Variants in ATP11B observed in about 807,000 individuals in gnomAD.
ATP11B encodes the protein phospholipid-transporting ATPase IF.
ATP11B carries 81 observed loss-of-function variants against 157.8 expected under a neutral mutation model. That is an observed-to-expected ratio of 0.51 (90% CI 0.43 to 0.62). ATP11B has a LOEUF of 0.62. ATP11B is among the 20% of genes least tolerant of loss of function. ATP11B has a pLI of 0.00. For missense variants in ATP11B, 1,165 were observed against 1,402.2 expected, an observed-to-expected ratio of 0.83 and a Z score of 2.70; for synonymous variants, 451 against 469.4, an observed-to-expected ratio of 0.96 and a Z score of 0.51.
In ATP11B at chr3:182,793,523, G is replaced by A; in HGVS notation, c.-237G>A. 2.9e-6 allele frequency: 1 copy of A among 350,226 alleles called. No individual in the cohort carries two copies. Among genetic ancestry groups the A allele is most frequent in the East Asian group, 4.3e-5 (1 of 23,074 alleles). The allele number at this position is 350,226 out of a possible 1,614,324, so 21.7% of individuals were successfully genotyped here. A position where few individuals can be genotyped will look rare whatever the true frequency, so the allele number is the denominator to read the frequency against. ...ACGGTCAATAATGAAGGTGGCTGCG[G>A]CGCGGCGGCAGGCTCAGCTGCGCCG... On this transcript the variant is annotated 5_prime_UTR_variant, in exon 1 of 30. Coordinates refer to ENST00000323116, the MANE Select transcript of ATP11B (RefSeq NM_014616.3).
At chr3:182,910,842 T>C (rs1724726747) in intron 28 of ATP11B, among the ~76,000 whole-genome samples, 1 of 152,222 alleles carries the variant, frequency 6.6e-6, no homozygotes, top group Non-Finnish European at 1.5e-5. Flanking sequence ...AAGGACCAGT[T>C]TGTTATTTTC....
chr3:182,794,330 C>T (rs897172771), intron 1 of ATP11B, among the ~76,000 whole-genome samples: 1 of 152,142 alleles, frequency 6.6e-6, no homozygotes, highest in Admixed American at 6.5e-5. Flanking sequence ...GGTGTCTAGC[C>T]CCCTCAGCGA....
chr3:182,864,644 G>A (rs977613737), intron 12 of ATP11B, among the ~76,000 whole-genome samples: 15 of 152,060 alleles, frequency 9.9e-5, no homozygotes, highest in African/African-American at 3.4e-4. Context: ...CTTTTTATAT[G>A]TTTCTGGATT....
chr3:182,857,959 G>T lies in ATP11B; in HGVS notation c.933G>T (p.Trp311Cys), dbSNP rs369166412. Residue 311 changes from tryptophan to cysteine, a missense_variant, in exon 11 of 30, where the codon TGG becomes TGT. Trp to Cys is a radical substitution (Grantham distance 215). Coordinates refer to ENST00000323116, the MANE Select transcript of ATP11B (RefSeq NM_014616.3). ...AVISTILKYT[W>C]QAEEKWDEPW... ...TCAGCACTATCTTGAAGTATACATG[G>T]CAAGCTGAAGAAAAATGGGATGAAC... 2 of 1,609,956 alleles carry T rather than the reference G, an allele frequency of 1.2e-6. No individual in the cohort carries two copies. Among genetic ancestry groups the T allele is most frequent in the African/African-American group, 2.7e-5 (2 of 74,812 alleles).
intron 12 of ATP11B, among the ~76,000 whole-genome samples, chr3:182,859,937 T>G (rs1195099489): frequency 8.0e-6 from 1 of 124,280 alleles, no homozygotes; most frequent in African/African-American, 2.9e-5. Flanking sequence ...CCTTTCTTCC[T>G]CCCTGCCTTC....
intron 29 of ATP11B, 117 bp downstream of exon 29, chr3:182,914,111 A>G: frequency 6.5e-7 from 1 of 1,528,972 alleles, no homozygotes; most frequent in South Asian, 1.3e-5. Flanking sequence ...CTGAAGCAGG[A>G]AGTCTGCTAT....
intron 22 of ATP11B, among the ~76,000 whole-genome samples, chr3:182,885,347 GT>G (rs1722730416): frequency 1.3e-5 from 2 of 152,222 alleles, no homozygotes; most frequent in South Asian, 4.1e-4. Flanking sequence ...CAAGGTGGGA[GT>G]TTGCAGAACC....
At chr3:182,906,760 C>A (rs1724384176) in intron 28 of ATP11B, among the ~76,000 whole-genome samples, 1 of 146,174 alleles carries the variant, frequency 6.8e-6, no homozygotes, top group African/African-American at 2.6e-5. Context: ...CATAAATTTT[C>A]ATAGTTGTAT....
At chr3:182,808,066 G>T (rs1716435944) in intron 1 of ATP11B, among the ~76,000 whole-genome samples, 2 of 152,166 alleles carry the variant, frequency 1.3e-5, no homozygotes, top group Non-Finnish European at 2.9e-5. Flanking sequence ...AGTGTAATTG[G>T]CGGATAAAGC....
intron 1 of ATP11B, 68 bp downstream of exon 1, chr3:182,793,854 G>C: frequency 9.1e-7 from 1 of 1,096,004 alleles, no homozygotes; most frequent in Non-Finnish European, 1.2e-6. Context: ...GGGGTGGCGG[G>C]GAAAGGCCGG....
chr3:182,793,592 A>G lies in ATP11B; in HGVS notation c.-168A>G. ...GCCGCGCCTGTAGGACTCGGGGCCG[A>G]CGCCGCGGGATGGGGACGCGGCGCG... On this transcript the variant is annotated 5_prime_UTR_variant, in exon 1 of 30. Coordinates refer to ENST00000323116, the MANE Select transcript of ATP11B (RefSeq NM_014616.3). The G allele has an allele frequency of 2.6e-6, 1 of 388,310 alleles. No individual in the cohort carries two copies. Among genetic ancestry groups the G allele is most frequent in the Admixed American group, 4.6e-5 (1 of 21,638 alleles). The allele number at this position is 388,310 out of a possible 1,614,324, so 24.1% of individuals were successfully genotyped here.
chr3:182,842,753 C>T (rs1252382270), intron 8 of ATP11B, among the ~76,000 whole-genome samples: 1 of 152,122 alleles, frequency 6.6e-6, no homozygotes, highest in Non-Finnish European at 1.5e-5. Flanking sequence ...GAGTTATGAG[C>T]CAGGGACCAC....
intron 28 of ATP11B, among the ~76,000 whole-genome samples, chr3:182,910,410 T>C (rs1240753297): frequency 1.3e-5 from 2 of 151,996 alleles, no homozygotes; most frequent in Non-Finnish European, 2.9e-5. Context: ...ACCCTGTCTC[T>C]ACTAAAATTA....
Position 182,879,432 on chromosome 3 carries a change from A to C in ATP11B, c.2253-64A>C, listed in dbSNP as rs888370838. The C allele has an allele frequency of 1.4e-5, 19 of 1,398,048 alleles. No individual in the cohort carries two copies. In the East Asian group the frequency reaches 4.1e-4, roughly 30 times the overall value. 86.6% of individuals were successfully genotyped at this position (1,398,048 alleles called of 1,614,324 possible). A position where few individuals can be genotyped will look rare whatever the true frequency, so the allele number is the denominator to read the frequency against. On this transcript the variant is annotated intron_variant, in intron 19 of 29. Coordinates refer to ENST00000323116, the MANE Select transcript of ATP11B (RefSeq NM_014616.3). ...TCTTTCAGTAAGAATGTGTTGTTCTATATGAGTGTAAATAATATGGCTTCA... is the reference window on the plus strand; with the variant it reads ...TCTTTCAGTAAGAATGTGTTGTTCTCTATGAGTGTAAATAATATGGCTTCA...
At chr3:182,851,583 T>A (rs1331372020) in intron 10 of ATP11B, among the ~76,000 whole-genome samples, 1 of 152,194 alleles carries the variant, frequency 6.6e-6, no homozygotes, top group Non-Finnish European at 1.5e-5. Context: ...AATAATACAA[T>A]AGCATCTATA....
At chr3:182,797,707 C>CAAAAAAGAAAAAAGAAAAAAGAAAAAAG (rs10576498) in intron 1 of ATP11B, among the ~76,000 whole-genome samples, 1 of 146,982 alleles carries the variant, frequency 6.8e-6, no homozygotes, top group African/African-American at 2.5e-5. Context: ...GACTCTGTCT[C>CAAAAAAGAAAAAAGAAAAAAGAAAAAAG]AAAAAAGAAA....
chr3:182,838,593 GA>G (rs1204613114), intron 7 of ATP11B, among the ~76,000 whole-genome samples: 1 of 151,948 alleles, frequency 6.6e-6, no homozygotes, highest in Non-Finnish European at 1.5e-5. Context: ...TAAAATCTTT[GA>G]ATGCCATTTT....
At chr3:182,852,719 G>A (rs539198651) in intron 10 of ATP11B, among the ~76,000 whole-genome samples, 1 of 152,194 alleles carries the variant, frequency 6.6e-6, no homozygotes, top group African/African-American at 2.4e-5. Context: ...GACTCAAAGT[G>A]TAAGATCTAA....
At chr3:182,916,808 A>G (rs1725170215) in intron 29 of ATP11B, 1 of 985,128 alleles carries the variant, frequency 1.0e-6, no homozygotes, top group African/African-American at 1.7e-5. Flanking sequence ...AAGTATTGGC[A>G]GTTTGGAATT....
Sources: gnomAD v4.1 joint callset for allele counts (sites outside exome capture counted in the v4.1 genomes callset) on GRCh38, gnomAD v4.1.1 for gene constraint, MANE v1.5 for transcripts, NCBI Gene and HGNC (gene_info 2026-07-23, HGNC 2026-07-21) for gene names.